The following SH3BP4 variants were observed in gnomAD, a reference collection of about 807,000 sequenced individuals.
The protein encoded by SH3BP4 is SH3 domain-binding protein 4.
SH3BP4 carries 33 observed loss-of-function variants against 65.5 expected under a neutral mutation model. The observed-to-expected ratio is 0.50, with a 90% CI of 0.38 to 0.67. The LOEUF (loss-of-function observed/expected upper bound fraction) is 0.67, where lower values mean the gene tolerates loss of function less well. SH3BP4 is among the 30% of genes least tolerant of loss of function. The pLI is 0.00. For missense variants in SH3BP4, 1,134 were observed against 1,261.4 expected (o/e 0.90, Z 1.53); for synonymous variants, 552 against 545.5 (o/e 1.01, Z -0.17).
At chr2:235,008,828 A>C (rs547596207) in intron 2 of SH3BP4, among the ~76,000 whole-genome samples, 1 of 152,300 alleles carries the variant, frequency 6.6e-6, no homozygotes, top group Non-Finnish European at 1.5e-5. Context: ...GGTGATTCAC[A>C]CACTTTGCTC....
chr2:235,003,685 G>A (rs372243845), intron 2 of SH3BP4, among the ~76,000 whole-genome samples: 69 of 152,292 alleles, frequency 4.5e-4, no homozygotes, highest in Middle Eastern at 3.4e-3. Flanking sequence ...AGTTATGGGC[G>A]TGTGACACCT....
Position 235,035,234 on chromosome 2 carries a change from G to C in SH3BP4, c.118+114G>C. 1 of 800,536 alleles carries C rather than the reference G, an allele frequency of 1.2e-6. No individual in the cohort carries two copies. The highest frequency in any genetic ancestry group is 1.5e-5 in the South Asian group (1 of 68,896). 49.6% of individuals were successfully genotyped at this position (800,536 alleles called of 1,614,324 possible). On this transcript the variant is annotated intron_variant, in intron 3 of 5. Coordinates refer to ENST00000392011, the MANE Select transcript of SH3BP4 (RefSeq NM_014521.3). The surrounding 1 kb of genome is among the most constrained non-coding windows in gnomAD (Gnocchi z 5.0). ...CCAGTTTAGCATTCAGATAGTTAAA[G>C]TTTAGTTCTTTAAACTTCATCATGG...
intron 2 of SH3BP4, among the ~76,000 whole-genome samples, chr2:235,005,610 C>T (rs370032183): frequency 6.6e-6 from 1 of 152,184 alleles, no homozygotes; most frequent in East Asian, 1.9e-4. Flanking sequence ...GCTGAACCCC[C>T]GCCTCCGCCA....
rs892997841 is a variant in SH3BP4 at position 235,034,182 on chromosome 2, C to T, written c.-132-689C>T. On this transcript the variant is annotated intron_variant, in intron 2 of 5. Transcript: ENST00000392011. The surrounding 1 kb of genome is among the most constrained non-coding windows in gnomAD (Gnocchi z 6.2). ...CCTTCCAGAAAAAAAAAGCAGAGGC[C>T]TTAGGGGTGATTCTTGTGGTCTCTT... Among the ~76,000 whole-genome samples the T allele has an allele frequency of 6.6e-6, 1 of 152,146 alleles. No homozygotes were observed. Among genetic ancestry groups the T allele is most frequent in the Non-Finnish European group, 1.5e-5 (1 of 68,026 alleles).
chr2:235,022,725 C>G lies in SH3BP4; in HGVS notation c.-132-12146C>G, dbSNP rs553177065. 2.6e-5 allele frequency among the ~76,000 whole-genome samples: 4 copies of G among 152,270 alleles called. No individual in the cohort carries two copies. The East Asian group carries it at 7.7e-4, about 29-fold the overall frequency. ...TGAGAGGATGGATTGTCACAGTCTT[C>G]CAGGACTGCTTTTGGCAACCCTTCC... On this transcript the variant is annotated intron_variant, in intron 2 of 5. Coordinates refer to ENST00000392011, the MANE Select transcript of SH3BP4 (RefSeq NM_014521.3).
At position 234,970,057 on chromosome 2, in the gene SH3BP4, T is replaced by A. The variant is rs911382217; in HGVS notation, c.-207+17887T>A. ...CACAAATACACTTACTCACACACAC[T>A]CATACACACACTCACACTGTCACTC... On this transcript the variant is annotated intron_variant, in intron 1 of 5. Transcript: ENST00000392011. Among the ~76,000 whole-genome samples, 20 of 139,262 alleles carry A rather than the reference T, an allele frequency of 1.4e-4. No individual in the cohort carries two copies. In the East Asian group the frequency reaches 2.4e-3, roughly 16 times the overall value. The allele number at this position is 139,262 out of a possible 152,430, so 91.4% of individuals were successfully genotyped here.
At chr2:234,980,146 C>G (rs573319764) in intron 1 of SH3BP4, among the ~76,000 whole-genome samples, 2 of 152,270 alleles carry the variant, frequency 1.3e-5, no homozygotes, top group East Asian at 3.9e-4. Flanking sequence ...TTACTATGTG[C>G]CTTTCCCCTG....
At chr2:234,956,337 A>G (rs751666705) in intron 1 of SH3BP4, among the ~76,000 whole-genome samples, 1 of 152,208 alleles carries the variant, frequency 6.6e-6, no homozygotes, top group Non-Finnish European at 1.5e-5. Flanking sequence ...GGTTAAGTAA[A>G]TGTACAATAA....
At position 235,055,489 on chromosome 2, in the gene SH3BP4, C is replaced by T. The variant is rs56161233; in HGVS notation, c.*1673C>T. Reference sequence around the variant, plus strand: ...TCCACCCCATAATTTCTCCCAGAGACCATCTATCACCTTTTCCCCAAAGAA... The same window carrying T: ...TCCACCCCATAATTTCTCCCAGAGATCATCTATCACCTTTTCCCCAAAGAA... On this transcript the variant is annotated 3_prime_UTR_variant, in exon 6 of 6. Transcript: ENST00000392011. The T allele has an allele frequency of 0.11, 16,233 of 152,618 alleles. 1,268 individuals are homozygous for T. The highest frequency in any genetic ancestry group is 0.22 in the African/African-American group (9,205 of 41,490). The allele number at this position is 152,618 out of a possible 1,614,324, so 9.5% of individuals were successfully genotyped here.
intron 3 of SH3BP4, among the ~76,000 whole-genome samples, chr2:235,036,261 T>G (rs1180277728): frequency 1.3e-5 from 2 of 152,220 alleles, no homozygotes; most frequent in Non-Finnish European, 2.9e-5. Flanking sequence ...GAGATTTTAT[T>G]TGTAAGAGAG....
rs576895749 is a variant in SH3BP4, at chr2:234,967,037, CTG to C, written c.-207+14871_-207+14872del. Among the ~76,000 whole-genome samples the C allele has an allele frequency of 1.3e-3, 194 of 152,262 alleles. No homozygotes were observed. Among genetic ancestry groups the C allele is most frequent in the Non-Finnish European group, 2.0e-3 (139 of 68,026 alleles). On this transcript the variant is annotated intron_variant, in intron 1 of 5. Coordinates refer to ENST00000392011, the MANE Select transcript of SH3BP4 (RefSeq NM_014521.3). This position sits in a 1 kb window ranked among gnomAD's most constrained non-coding sequence, Gnocchi z 4.6. Reference sequence around the variant, plus strand: ...TAATAGAATAGGGCTGCATGCCATCCTGTGTTTTCAGCGCTTTACAACCTTAC... The same window carrying C: ...TAATAGAATAGGGCTGCATGCCATCCTGTTTTCAGCGCTTTACAACCTTAC...
chr2:234,971,759 C>T (rs1326056936), intron 1 of SH3BP4, among the ~76,000 whole-genome samples: 2 of 152,168 alleles, frequency 1.3e-5, no homozygotes, highest in African/African-American at 4.8e-5. Flanking sequence ...TGGCCAGCTT[C>T]CCTTCTTTAA....
At chr2:235,018,243 T>A (rs1694749131) in intron 2 of SH3BP4, among the ~76,000 whole-genome samples, 1 of 152,134 alleles carries the variant, frequency 6.6e-6, no homozygotes, top group African/African-American at 2.4e-5. Flanking sequence ...GGGTGCTTGC[T>A]GGGAGTGAGG....
At chr2:234,954,247 C>T (rs1474091093) in intron 1 of SH3BP4, among the ~76,000 whole-genome samples, 1 of 152,150 alleles carries the variant, frequency 6.6e-6, no homozygotes, top group Non-Finnish European at 1.5e-5. Context: ...TTTGTTAATT[C>T]TGGGTACCAA....
At chr2:235,015,649 G>T (rs970304561) in intron 2 of SH3BP4, among the ~76,000 whole-genome samples, 1 of 152,214 alleles carries the variant, frequency 6.6e-6, no homozygotes, top group Admixed American at 6.5e-5. Context: ...CGTTTCCCAG[G>T]CGGGTAGAGG....
Position 235,035,811 on chromosome 2 carries a change from C to T in SH3BP4, c.118+691C>T, listed in dbSNP as rs1423647566. On this transcript the variant is annotated intron_variant, in intron 3 of 5. Coordinates refer to ENST00000392011, the MANE Select transcript of SH3BP4 (RefSeq NM_014521.3). The surrounding 1 kb of genome is among the most constrained non-coding windows in gnomAD (Gnocchi z 5.0). ...TTTTGGACACCAAGGTGAATACTAG[C>T]AGGTCATTTTCTTCCTGCACATCTG... 1.3e-5 allele frequency among the ~76,000 whole-genome samples: 2 copies of T among 152,206 alleles called. No homozygotes were observed. Among genetic ancestry groups the T allele is most frequent in the Non-Finnish European group, 2.9e-5 (2 of 68,034 alleles).
intron 1 of SH3BP4, among the ~76,000 whole-genome samples, chr2:234,986,426 G>T (rs531816512): frequency 6.6e-6 from 1 of 152,220 alleles, no homozygotes; most frequent in Non-Finnish European, 1.5e-5. Flanking sequence ...ATTCAGGCAG[G>T]AATGTTAACT....
At chr2:234,988,979 C>T (rs1693669976) in intron 1 of SH3BP4, among the ~76,000 whole-genome samples, 1 of 152,190 alleles carries the variant, frequency 6.6e-6, no homozygotes, top group Non-Finnish European at 1.5e-5. Flanking sequence ...TCTCACTTGG[C>T]TGCTTCATCC....
intron 2 of SH3BP4, among the ~76,000 whole-genome samples, chr2:235,001,699 A>G (rs1196176364): frequency 6.6e-6 from 1 of 152,186 alleles, no homozygotes; most frequent in African/African-American, 2.4e-5. Context: ...CCCACAGTCC[A>G]GGGCAAGAGG....
Sources: allele counts gnomAD v4.1 joint callset (sites outside exome capture counted in the v4.1 genomes callset), GRCh38; gene constraint gnomAD v4.1.1; non-coding constraint Gnocchi (gnomAD v3.1); transcripts MANE v1.5; gene names NCBI Gene and HGNC (gene_info 2026-07-23, HGNC 2026-07-21).